The following FHIT variants were observed in gnomAD, a reference collection of about 807,000 sequenced individuals.
FHIT encodes fragile histidine triad diadenosine triphosphatase.
Under a neutral mutation model 17.9 loss-of-function variants are expected in FHIT, and 19 were observed. The observed-to-expected ratio is 1.06, with a 90% CI of 0.74 to 1.56. FHIT has a LOEUF of 1.56. FHIT is among the 40% of genes most tolerant of loss of function. The probability of loss-of-function intolerance (pLI) is 0.00; values close to 1 mark genes in which losing one functional copy is unlikely to be tolerated. For missense variants in FHIT, 248 were observed against 189.2 expected, an observed-to-expected ratio of 1.31 and a Z score of -1.82; for synonymous variants, 81 against 69.7, an observed-to-expected ratio of 1.16 and a Z score of -0.81.
At chr3:60,322,680 G>C (rs1198582583) in intron 5 of FHIT, among the ~76,000 whole-genome samples, 1 of 152,086 alleles carries the variant, frequency 6.6e-6, no homozygotes, top group Non-Finnish European at 1.5e-5. Flanking sequence ...CTGTTAAACT[G>C]GGAAAAGATT....
rs72883926 is a variant in FHIT at position 60,508,594 on chromosome 3, T to C, written c.103+28266A>G. Among the ~76,000 whole-genome samples, 1,102 of 152,298 alleles carry C rather than the reference T, an allele frequency of 7.2e-3. 12 individuals are homozygous for C. The highest frequency in any genetic ancestry group is 0.025 in the African/African-American group (1,041 of 41,564). On this transcript the variant is annotated intron_variant, in intron 5 of 9. Coordinates refer to ENST00000492590, the MANE Select transcript of FHIT (RefSeq NM_002012.4). Reference sequence around the variant, plus strand: ...TTTTTCTCTTTCCATATAATCTATGTCATCTTTTTGGAAAAGGTGAAAACA... The same window carrying C: ...TTTTTCTCTTTCCATATAATCTATGCCATCTTTTTGGAAAAGGTGAAAACA...
intron 2 of FHIT, among the ~76,000 whole-genome samples, chr3:61,173,154 A>C (rs2038057761): frequency 6.6e-6 from 1 of 152,238 alleles, no homozygotes; most frequent in African/African-American, 2.4e-5. Flanking sequence ...TTACAGACCA[A>C]ATAAAATACA....
At chr3:60,282,942 A>C (rs1707531424) in intron 5 of FHIT, among the ~76,000 whole-genome samples, 2 of 152,120 alleles carry the variant, frequency 1.3e-5, no homozygotes, top group South Asian at 4.1e-4. Context: ...TGAATACAAC[A>C]ACCAGACTGA....
chr3:60,349,311 G>A (rs548047471), intron 5 of FHIT, among the ~76,000 whole-genome samples: 2 of 152,268 alleles, frequency 1.3e-5, no homozygotes, highest in South Asian at 2.1e-4. Flanking sequence ...TAGGTACTGA[G>A]AAGATTCCAT....
chr3:60,867,429 C>T (rs1704214977), intron 3 of FHIT, among the ~76,000 whole-genome samples: 2 of 152,276 alleles, frequency 1.3e-5, no homozygotes, highest in Admixed American at 1.3e-4. Flanking sequence ...ATGGTACACA[C>T]AAGTGTTAAC....
chr3:60,955,983 T>C (rs1231409610), intron 3 of FHIT, among the ~76,000 whole-genome samples: 1 of 152,150 alleles, frequency 6.6e-6, no homozygotes, highest in Non-Finnish European at 1.5e-5. Flanking sequence ...AATCTCAATA[T>C]GGCAATTCAA....
At chr3:60,809,847 T>G (rs782531300) in intron 4 of FHIT, among the ~76,000 whole-genome samples, 91 of 152,154 alleles carry the variant, frequency 6.0e-4, no homozygotes, top group Admixed American at 3.9e-4. Flanking sequence ...TAGGCTAGTC[T>G]CTCTCAACCC....
At chr3:60,556,132 T>C (rs2036730966) in intron 4 of FHIT, among the ~76,000 whole-genome samples, 2 of 152,360 alleles carry the variant, frequency 1.3e-5, no homozygotes, top group South Asian at 2.1e-4. Flanking sequence ...CCTCCTGACC[T>C]GGAATGAACA....
At chr3:61,243,393 T>C (rs1286567814) in intron 1 of FHIT, among the ~76,000 whole-genome samples, 1 of 152,200 alleles carries the variant, frequency 6.6e-6, no homozygotes, top group Non-Finnish European at 1.5e-5. Flanking sequence ...ATTGTTTTTC[T>C]TTTTTCCTCC....
chr3:60,906,722 T>C (rs1375833651), intron 3 of FHIT, among the ~76,000 whole-genome samples: 1 of 152,208 alleles, frequency 6.6e-6, no homozygotes, highest in Non-Finnish European at 1.5e-5. Flanking sequence ...GAGCTAAGTA[T>C]AGTTATATCA....
intron 1 of FHIT, among the ~76,000 whole-genome samples, chr3:61,247,713 T>C (rs2040521391): frequency 6.6e-6 from 1 of 152,232 alleles, no homozygotes; most frequent in Non-Finnish European, 1.5e-5. Context: ...TATAAATACC[T>C]GCTTAAAGTT....
Position 60,847,565 on chromosome 3 carries a change from C to T in FHIT, c.-110-25554G>A, listed in dbSNP as rs143277331. 1.0e-3 allele frequency among the ~76,000 whole-genome samples: 157 copies of T among 152,274 alleles called. 1 individual carries two copies. Among genetic ancestry groups the T allele is most frequent in the African/African-American group, 3.7e-3 (154 of 41,546 alleles). On this transcript the variant is annotated intron_variant, in intron 3 of 9. Transcript: ENST00000492590. ...AAAAAAAGCATCCCTATCAACTCTC[C>T]CAGGAAAGCACATGAACTCATGTTA...
rs888535773 is a variant in FHIT at position 60,741,385 on chromosome 3, C to T, written c.-18+80534G>A. Among the ~76,000 whole-genome samples the T allele has an allele frequency of 4.6e-5, 7 of 152,186 alleles. No individual in the cohort carries two copies. In the South Asian group the frequency reaches 6.2e-4, roughly 13 times the overall value. On this transcript the variant is annotated intron_variant, in intron 4 of 9. Coordinates refer to ENST00000492590, the MANE Select transcript of FHIT (RefSeq NM_002012.4). ...AGGAACCCTATCTGAGCTGTCAGCA[C>T]GTTGCCTGATCATCTTCAGCAAGTG... is the stretch of plus-strand genomic sequence containing the variant.
intron 8 of FHIT, among the ~76,000 whole-genome samples, chr3:59,883,145 G>C (rs939240736): frequency 1.3e-5 from 2 of 152,028 alleles, no homozygotes; most frequent in African/African-American, 4.8e-5. Flanking sequence ...AGCTTAAAAA[G>C]CCATTAAAAA....
At chr3:60,577,884 A>G (rs1476741468) in intron 4 of FHIT, among the ~76,000 whole-genome samples, 1 of 152,114 alleles carries the variant, frequency 6.6e-6, no homozygotes, top group African/African-American at 2.4e-5. Context: ...GCTAACAATA[A>G]TTAAGTTGCT....
At chr3:61,148,133 T>C (rs2037281075) in intron 2 of FHIT, among the ~76,000 whole-genome samples, 1 of 151,960 alleles carries the variant, frequency 6.6e-6, no homozygotes, top group East Asian at 1.9e-4. Flanking sequence ...TTTATTTTCT[T>C]TTAATTTTTA....
At chr3:60,729,387 C>T (rs1290398068) in intron 4 of FHIT, among the ~76,000 whole-genome samples, 1 of 152,148 alleles carries the variant, frequency 6.6e-6, no homozygotes, top group South Asian at 2.1e-4. Context: ...TGGTTGTATG[C>T]GGCTTGTGTC....
intron 3 of FHIT, among the ~76,000 whole-genome samples, chr3:60,865,049 A>G (rs1047755492): frequency 2.6e-5 from 4 of 152,176 alleles, no homozygotes; most frequent in Non-Finnish European, 5.9e-5. Flanking sequence ...AATAGGGAAT[A>G]AATCTATCTG....
At chr3:60,824,449 GA>G (rs1553740323) in intron 3 of FHIT, among the ~76,000 whole-genome samples, 1 of 152,158 alleles carries the variant, frequency 6.6e-6, no homozygotes, top group African/African-American at 2.4e-5. Context: ...AGGTTTAACA[GA>G]CAGGGAATAA....
Sources: allele counts gnomAD v4.1 joint callset (sites outside exome capture counted in the v4.1 genomes callset), GRCh38; gene constraint gnomAD v4.1.1; transcripts MANE v1.5; gene names NCBI Gene and HGNC (gene_info 2026-07-23, HGNC 2026-07-21).